DSCAM: variants seen among roughly 807,000 people sequenced by gnomAD.
DSCAM encodes cell adhesion molecule DSCAM.
In DSCAM, 47 loss-of-function variants were observed where a neutral mutation model predicts 217.7. That is an observed-to-expected ratio of 0.22 (90% CI 0.17 to 0.28). DSCAM has a LOEUF of 0.28. Ranked by LOEUF, DSCAM falls within the 10% of genes least tolerant of loss-of-function variation. The pLI, the probability that DSCAM is intolerant of heterozygous loss-of-function variation, is 1.00. For synonymous variants in DSCAM, 1,056 were observed against 1,015.3 expected (o/e 1.04, Z -0.76); for missense variants, 2,080 against 2,618.3 (o/e 0.79, Z 4.49).
intron 3 of DSCAM, among the ~76,000 whole-genome samples, chr21:40,579,192 C>T (rs1253226492): frequency 6.6e-6 from 1 of 151,792 alleles, no homozygotes; most frequent in East Asian, 1.9e-4. Context: ...TTTTTTGGAT[C>T]ATCTGAAAGC....
intron 3 of DSCAM, among the ~76,000 whole-genome samples, chr21:40,453,791 A>C (rs2075741395): frequency 6.6e-6 from 1 of 152,230 alleles, no homozygotes; most frequent in Non-Finnish European, 1.5e-5. Flanking sequence ...CCCTCCTGTA[A>C]AAGTATTCTA....
intron 3 of DSCAM, among the ~76,000 whole-genome samples, chr21:40,617,579 G>A (rs186386713): frequency 6.6e-6 from 1 of 152,302 alleles, no homozygotes; most frequent in Non-Finnish European, 1.5e-5. Context: ...CAAGCTTGGC[G>A]CTGTAGACAT....
intron 1 of DSCAM, among the ~76,000 whole-genome samples, chr21:40,766,959 T>A (rs2091398751): frequency 6.6e-6 from 1 of 152,162 alleles, no homozygotes; most frequent in South Asian, 2.1e-4. Context: ...GTGGTGGGAT[T>A]ACAGGCATGA....
intron 3 of DSCAM, among the ~76,000 whole-genome samples, chr21:40,427,119 G>C (rs370758596): frequency 2.0e-5 from 3 of 152,206 alleles, no homozygotes; most frequent in Admixed American, 6.5e-5. Flanking sequence ...TGAAGACAGC[G>C]AGCAGGGCAT....
intron 1 of DSCAM, among the ~76,000 whole-genome samples, chr21:40,799,674 C>T (rs1002147821): frequency 1.3e-5 from 2 of 152,166 alleles, no homozygotes; most frequent in Non-Finnish European, 2.9e-5. Flanking sequence ...TCTTGAATTC[C>T]TTGGCTTATG....
chr21:40,835,145 T>G (rs1402217196), intron 1 of DSCAM, among the ~76,000 whole-genome samples: 7 of 152,244 alleles, frequency 4.6e-5, no homozygotes, highest in Non-Finnish European at 4.4e-5. Flanking sequence ...CTCATTTTTA[T>G]TTTTTTTATG....
intron 1 of DSCAM, among the ~76,000 whole-genome samples, chr21:40,763,257 A>T (rs2091354332): frequency 6.6e-6 from 1 of 152,218 alleles, no homozygotes; most frequent in South Asian, 2.1e-4. Flanking sequence ...TCAGGATACA[A>T]AATCAATGTG....
chr21:40,536,206 G>T (rs991418657), intron 3 of DSCAM, among the ~76,000 whole-genome samples: 2 of 152,104 alleles, frequency 1.3e-5, no homozygotes, highest in African/African-American at 4.8e-5. Context: ...CTGTGATGCC[G>T]ACTGGGACAC....
chr21:40,750,775 A>G (rs1040925296), intron 1 of DSCAM, among the ~76,000 whole-genome samples: 1 of 152,138 alleles, frequency 6.6e-6, no homozygotes, highest in African/African-American at 2.4e-5. Context: ...TGCTCAGGCT[A>G]CAGTCCTTGA....
At chr21:40,163,371 G>A (rs2090561348) in intron 16 of DSCAM, among the ~76,000 whole-genome samples, 1 of 152,162 alleles carries the variant, frequency 6.6e-6, no homozygotes, top group African/African-American at 2.4e-5. Context: ...AACCTGCCAT[G>A]AATTAAATTG....
At chr21:40,315,554 T>C (rs1425390476) in intron 8 of DSCAM, among the ~76,000 whole-genome samples, 1 of 152,130 alleles carries the variant, frequency 6.6e-6, no homozygotes, top group African/African-American at 2.4e-5. Flanking sequence ...TATAGAAGAA[T>C]CAGCATTAAA....
intron 29 of DSCAM, among the ~76,000 whole-genome samples, chr21:40,055,241 A>C (rs2837398): frequency 0.41 from 62,690 of 152,006 alleles, 13,227 homozygotes; most frequent in East Asian, 0.52. Flanking sequence ...GTGTGGGGGA[A>C]GATACCCTGT....
At chr21:40,284,968 G>T (rs952294292) in intron 10 of DSCAM, among the ~76,000 whole-genome samples, 11 of 152,192 alleles carry the variant, frequency 7.2e-5, no homozygotes, top group African/African-American at 2.7e-4. Context: ...GTCTAATCAG[G>T]ATTTGTTACA....
chr21:40,727,692 C>A (rs926534452), intron 1 of DSCAM, among the ~76,000 whole-genome samples: 3 of 152,150 alleles, frequency 2.0e-5, no homozygotes, highest in Non-Finnish European at 1.5e-5. Flanking sequence ...CCCTGGTCCC[C>A]TACACACACA....
chr21:40,126,718 T>G lies in DSCAM; in HGVS notation c.3563-2390A>C, dbSNP rs191150343. Among the ~76,000 whole-genome samples the G allele has an allele frequency of 3.4e-4, 52 of 152,340 alleles. 1 individual carries two copies. The highest frequency in any genetic ancestry group is 3.3e-3 in the Admixed American group (51 of 15,304). On this transcript the variant is annotated intron_variant, in intron 19 of 32. Transcript: ENST00000400454. ...TCCTTGTTTTAAGTGATGATTTCCG[T>G]GAGCATGCCTGTGTCACAGCCGATC...
rs367615766 is a variant in DSCAM at position 40,452,314 on chromosome 21, C to A, written c.509-83069G>T. Among the ~76,000 whole-genome samples the A allele has an allele frequency of 3.0e-4, 46 of 151,388 alleles. No individual in the cohort carries two copies. In the South Asian group the frequency reaches 9.2e-3, roughly 30 times the overall value. On this transcript the variant is annotated intron_variant, in intron 3 of 32. Coordinates refer to ENST00000400454, the MANE Select transcript of DSCAM (RefSeq NM_001389.5). ...GAAAATACTCTGTAAATGCATCAAT[C>A]TAACTTGTGAAATAAAAAACTGAGT...
intron 8 of DSCAM, among the ~76,000 whole-genome samples, chr21:40,334,453 A>G (rs1371484509): frequency 6.6e-6 from 1 of 152,148 alleles, no homozygotes; most frequent in Non-Finnish European, 1.5e-5. Flanking sequence ...TCCAACCACT[A>G]GGAAAACCGA....
intron 1 of DSCAM, among the ~76,000 whole-genome samples, chr21:40,814,235 G>C (rs550166857): frequency 1.3e-5 from 2 of 152,346 alleles, no homozygotes; most frequent in Admixed American, 6.5e-5. Context: ...TGCGCATGAA[G>C]AACCGCAGAA....
intron 20 of DSCAM, among the ~76,000 whole-genome samples, chr21:40,099,635 T>C (rs1458388404): frequency 1.3e-5 from 2 of 152,248 alleles, no homozygotes; most frequent in Non-Finnish European, 2.9e-5. Context: ...TAAAGTTGAC[T>C]CTTCCTGTTC....
Sources: gnomAD v4.1 joint callset for allele counts (sites outside exome capture counted in the v4.1 genomes callset) on GRCh38, gnomAD v4.1.1 for gene constraint, MANE v1.5 for transcripts, NCBI Gene and HGNC (gene_info 2026-07-23, HGNC 2026-07-21) for gene names.